The following ACACA variants were observed in gnomAD, a reference collection of about 807,000 sequenced individuals.
ACACA encodes the protein acetyl-CoA carboxylase alpha.
A neutral mutation model predicts 296.1 loss-of-function variants in ACACA; 103 were observed. The ratio of observed to expected loss-of-function variants is 0.35; its 90% CI spans 0.30 to 0.41. ACACA has a LOEUF of 0.41. Ranked by LOEUF, ACACA falls within the 10% of genes least tolerant of loss-of-function variation. The pLI, the probability that ACACA is intolerant of heterozygous loss-of-function variation, is 1.00. For missense variants in ACACA, 1,554 were observed against 2,989.7 expected (o/e 0.52, Z 11.20); for synonymous variants, 953 against 1,038.6 (o/e 0.92, Z 1.58).
intron 52 of ACACA, among the ~76,000 whole-genome samples, chr17:37,106,151 TA>T (rs11347340): frequency 0.34 from 49,873 of 148,200 alleles, 11,327 homozygotes; most frequent in African/African-American, 0.64. Context: ...GTAAGATAGG[TA>T]AAAAAAAAAA....
At chr17:37,175,890 A>G (rs1458903070) in intron 41 of ACACA, among the ~76,000 whole-genome samples, 1 of 152,226 alleles carries the variant, frequency 6.6e-6, no homozygotes, top group South Asian at 2.1e-4. Flanking sequence ...GAAAATAGAA[A>G]GGAGACAGTA....
At chr17:37,147,889 T>C (rs529778656) in intron 45 of ACACA, among the ~76,000 whole-genome samples, 16 of 152,292 alleles carry the variant, frequency 1.1e-4, no homozygotes, top group African/African-American at 3.8e-4. Context: ...GAAATCAATC[T>C]CTAATGTTTC....
intron 22 of ACACA, 101 bp downstream of exon 22, chr17:37,243,270 C>T (rs1332507709): frequency 7.8e-7 from 1 of 1,279,950 alleles, no homozygotes; most frequent in Non-Finnish European, 1.1e-6. Flanking sequence ...TATACAAGCA[C>T]AACATCCAAA....
intron 1 of ACACA, among the ~76,000 whole-genome samples, chr17:37,364,624 G>A (rs945230698): frequency 7.9e-5 from 1 of 12,636 alleles, no homozygotes; most frequent in Non-Finnish European, 1.2e-4. Flanking sequence ...AAAGAAAATA[G>A]AACCATGAAG....
At chr17:37,137,957 G>A (rs898434613) in intron 45 of ACACA, among the ~76,000 whole-genome samples, 1 of 152,158 alleles carries the variant, frequency 6.6e-6, no homozygotes, top group Middle Eastern at 3.2e-3. Flanking sequence ...TATGCTGTTG[G>A]TTAAATTTGG....
intron 11 of ACACA, among the ~76,000 whole-genome samples, chr17:37,260,209 G>C (rs1296641391): frequency 8.3e-6 from 1 of 120,288 alleles, no homozygotes; most frequent in Non-Finnish European, 1.7e-5. Flanking sequence ...TTGACAAACA[G>C]GACACCAGCA....
chr17:37,239,449 T>A lies in ACACA; in HGVS notation c.3121+1027A>T, dbSNP rs56200568. On this transcript the variant is annotated intron_variant, in intron 24 of 55. Coordinates refer to ENST00000616317, the MANE Select transcript of ACACA (RefSeq NM_198834.3). ...GCAGGCATCCTTGTCTTATTCCTAATCTTAAAGATAATGTTTTCAACGTTT... is the reference window on the plus strand; with the variant it reads ...GCAGGCATCCTTGTCTTATTCCTAAACTTAAAGATAATGTTTTCAACGTTT... Among the ~76,000 whole-genome samples the A allele has an allele frequency of 1.1e-3, 168 of 152,336 alleles. 1 individual carries two copies. Among genetic ancestry groups the A allele is most frequent in the African/African-American group, 4.0e-3 (165 of 41,566 alleles).
At chr17:37,269,981 C>T (rs1178978690) in intron 10 of ACACA, among the ~76,000 whole-genome samples, 2 of 152,124 alleles carry the variant, frequency 1.3e-5, no homozygotes, top group East Asian at 3.9e-4. Context: ...GAGGACAGAA[C>T]AAAAAGAGAC....
At chr17:37,167,013 C>T (rs546960101) in intron 41 of ACACA, among the ~76,000 whole-genome samples, 6 of 150,490 alleles carry the variant, frequency 4.0e-5, no homozygotes, top group Admixed American at 1.3e-4. Flanking sequence ...AGCGTGATCT[C>T]GGGTCACTAC....
Position 37,242,071 on chromosome 17 carries a change from GA to G in ACACA, c.2932-19del. The stretch of plus-strand genomic sequence containing the variant: ...TTTGCAATCTAAGGTATAAAAAAGG[GA>G]AAAAAATGAGGCCCAACCCAACAAA... On this transcript the variant is annotated intron_variant, in intron 22 of 55. Transcript: ENST00000616317. The G allele has an allele frequency of 1.9e-6, 3 of 1,605,628 alleles. No individual in the cohort carries two copies. The highest frequency in any genetic ancestry group is 8.5e-7 in the Non-Finnish European group (1 of 1,172,740).
intron 41 of ACACA, among the ~76,000 whole-genome samples, chr17:37,173,386 CA>C (rs2076947564): frequency 1.3e-5 from 2 of 152,138 alleles, no homozygotes. Context: ...TAAGAACTGT[CA>C]AAATGGATCT....
chr17:37,099,590 A>T (rs113171951), intron 52 of ACACA, among the ~76,000 whole-genome samples: 2,035 of 79,972 alleles, frequency 0.025, 10 homozygotes, highest in African/African-American at 0.071. Flanking sequence ...GGCTGATGGC[A>T]GGAGGGCTGA....
At chr17:37,205,733 C>T (rs1165233758) in intron 33 of ACACA, 32 bp downstream of exon 33, 1 of 1,510,546 alleles carries the variant, frequency 6.6e-7, no homozygotes, top group Non-Finnish European at 9.2e-7. Context: ...AGAAAGGGGA[C>T]ATCACGAGCT....
chr17:37,341,893 T>C (rs1010774697), intron 1 of ACACA, among the ~76,000 whole-genome samples: 1 of 152,056 alleles, frequency 6.6e-6, no homozygotes, highest in Non-Finnish European at 1.5e-5. Flanking sequence ...TTTCATTCCA[T>C]ACAGGTTTGG....
chr17:37,196,603 G>GA (rs1353401721), intron 35 of ACACA, among the ~76,000 whole-genome samples: 1 of 149,126 alleles, frequency 6.7e-6, no homozygotes, highest in African/African-American at 2.5e-5. Flanking sequence ...AAACTTTGCT[G>GA]AAAAAAATAT....
chr17:37,327,076 C>A (rs1187438305), intron 3 of ACACA, among the ~76,000 whole-genome samples: 3 of 152,174 alleles, frequency 2.0e-5, no homozygotes, highest in African/African-American at 7.2e-5. Flanking sequence ...AATGTACCTG[C>A]CCCCTTAATC....
At position 37,122,540 on chromosome 17, in the gene ACACA, A is replaced by G; in HGVS notation, c.6129T>C (p.Ser2043=). The change falls in exon 49 of 56, where the codon TCT becomes TCC. Residue 2043 remains serine (S), a synonymous_variant. Transcript: ENST00000616317. ...ACTTGAGGTGGCCTACCTTGGCTTCAGAATCCAGGTTTGCTGGATCAGCTG... is the reference window on the plus strand; with the variant it reads ...ACTTGAGGTGGCCTACCTTGGCTTCGGAATCCAGGTTTGCTGGATCAGCTG... ...SIPADPANLD[S]EAKIIQQAGQ... 4.3e-6 allele frequency: 7 copies of G among 1,614,200 alleles called. No homozygotes were observed. Among genetic ancestry groups the G allele is most frequent in the Non-Finnish European group, 5.9e-6 (7 of 1,180,004 alleles).
At chr17:37,365,274 A>T (rs2049567481) in intron 1 of ACACA, among the ~76,000 whole-genome samples, 2 of 152,130 alleles carry the variant, frequency 1.3e-5, no homozygotes, top group South Asian at 4.1e-4. Flanking sequence ...TTCAGAATTT[A>T]ATTAGGATAT....
intron 1 of ACACA, among the ~76,000 whole-genome samples, chr17:37,366,262 C>CAGGAA (rs2147644805): frequency 6.6e-6 from 1 of 152,228 alleles, no homozygotes; most frequent in South Asian, 2.1e-4. Flanking sequence ...CATATTTAGG[C>CAGGAA]CTCTACCTGT....
Sources: allele counts gnomAD v4.1 joint callset (sites outside exome capture counted in the v4.1 genomes callset), GRCh38; gene constraint gnomAD v4.1.1; transcripts MANE v1.5; gene names NCBI Gene and HGNC (gene_info 2026-07-23, HGNC 2026-07-21).